CERT1: variants seen among roughly 807,000 people sequenced by gnomAD.
CERT1 encodes the protein ceramide transporter 1.
A neutral mutation model predicts 87.9 loss-of-function variants in CERT1; 31 were observed. The observed-to-expected ratio is 0.35, with a 90% CI of 0.27 to 0.48. The LOEUF is 0.48. Ranked by LOEUF, CERT1 falls within the 20% of genes least tolerant of loss-of-function variation. The pLI is 0.99. For synonymous variants in CERT1, 289 were observed against 250.9 expected, an observed-to-expected ratio of 1.15 and a Z score of -1.44; for missense variants, 487 against 758.0, an observed-to-expected ratio of 0.64 and a Z score of 4.20.
intron 8 of CERT1, among the ~76,000 whole-genome samples, chr5:75,404,799 A>G (rs906044154): frequency 7.3e-4 from 111 of 152,134 alleles, no homozygotes; most frequent in African/African-American, 2.7e-3. Context: ...ACATGAGGCC[A>G]GGAGCTCTGG....
intron 8 of CERT1, among the ~76,000 whole-genome samples, chr5:75,403,427 A>T (rs2112094767): frequency 6.6e-6 from 1 of 152,380 alleles, no homozygotes; most frequent in South Asian, 2.1e-4. Flanking sequence ...AAGTAATAAT[A>T]TGACATGTGT....
intron 2 of CERT1, among the ~76,000 whole-genome samples, chr5:75,479,238 A>G (rs1766116867): frequency 6.6e-6 from 1 of 152,200 alleles, no homozygotes; most frequent in Non-Finnish European, 1.5e-5. Context: ...GAGGCATCAT[A>G]AATAATTGCT....
chr5:75,464,257 T>C (rs888112917), intron 2 of CERT1, among the ~76,000 whole-genome samples: 1 of 152,014 alleles, frequency 6.6e-6, no homozygotes, highest in African/African-American at 2.4e-5. Flanking sequence ...GGTTAAGGCA[T>C]GGATGGAGCT....
chr5:75,445,908 G>T (rs536993068), intron 3 of CERT1, among the ~76,000 whole-genome samples: 3 of 152,188 alleles, frequency 2.0e-5, no homozygotes, highest in African/African-American at 7.2e-5. Context: ...ATTATATTGA[G>T]GATTCCTTTT....
intron 7 of CERT1, among the ~76,000 whole-genome samples, chr5:75,414,034 A>C (rs1763038183): frequency 6.6e-6 from 1 of 152,224 alleles, no homozygotes; most frequent in Non-Finnish European, 1.5e-5. Flanking sequence ...TACAATAAAA[A>C]GTTATACAAT....
intron 10 of CERT1, 138 bp downstream of exon 10, chr5:75,400,067 G>A (rs1481773473): frequency 8.1e-6 from 5 of 618,232 alleles, no homozygotes; most frequent in African/African-American, 3.7e-5. Context: ...GGGAGGTGGA[G>A]ACTGTAGTGA....
At chr5:75,389,951 C>A (rs1340367545) in intron 11 of CERT1, among the ~76,000 whole-genome samples, 1 of 151,918 alleles carries the variant, frequency 6.6e-6, no homozygotes, top group Non-Finnish European at 1.5e-5. Flanking sequence ...TATCAAGTGA[C>A]CAAAATAAGC....
upstream of CERT1, chr5:75,511,666 C>G: frequency 1.3e-6 from 2 of 1,517,954 alleles, no homozygotes; most frequent in Non-Finnish European, 1.8e-6. Flanking sequence ...TCCCCTTCGT[C>G]CTCCCATTCT....
intron 2 of CERT1, among the ~76,000 whole-genome samples, chr5:75,464,515 A>C (rs1047852245): frequency 2.6e-5 from 4 of 152,180 alleles, no homozygotes; most frequent in African/African-American, 9.7e-5. Flanking sequence ...CCTTCTTGGC[A>C]CCCAGAAGGC....
intron 5 of CERT1, among the ~76,000 whole-genome samples, chr5:75,423,827 A>G (rs1430519337): frequency 1.3e-5 from 2 of 152,248 alleles, no homozygotes; most frequent in East Asian, 3.8e-4. Flanking sequence ...ACCACGAGTT[A>G]TACCTAAGAA....
intron 2 of CERT1, among the ~76,000 whole-genome samples, chr5:75,470,954 G>C (rs1173424847): frequency 3.3e-5 from 5 of 151,336 alleles, no homozygotes; most frequent in Admixed American, 1.3e-4. Flanking sequence ...GAACTATCTG[G>C]GGAAAAAAAA....
chr5:75,382,189 G>A, intron 14 of CERT1, 112 bp from the exon 15 acceptor site: 1 of 926,264 alleles, frequency 1.1e-6, no homozygotes, highest in South Asian at 1.8e-5. Flanking sequence ...ATTTTAAATG[G>A]AAAGCATCTG....
At chr5:75,409,943 G>A (rs1425840090) in intron 8 of CERT1, among the ~76,000 whole-genome samples, 5 of 151,832 alleles carry the variant, frequency 3.3e-5, no homozygotes, top group Non-Finnish European at 5.9e-5. Flanking sequence ...TGGGACTACA[G>A]GCATGTGCCA....
chr5:75,418,457 G>A (rs574808893), intron 6 of CERT1, among the ~76,000 whole-genome samples: 37 of 152,024 alleles, frequency 2.4e-4, no homozygotes, highest in African/African-American at 7.5e-4. Flanking sequence ...ACCCACACCC[G>A]CCATATGATT....
rs76030688 is a variant in CERT1 at position 75,453,812 on chromosome 5, G to A, written c.348+5253C>T. 9.5e-3 allele frequency among the ~76,000 whole-genome samples: 766 copies of A among 80,802 alleles called. 4 individuals are homozygous for A. The highest frequency in any genetic ancestry group is 0.036 in the African/African-American group (712 of 19,964). The allele number at this position is 80,802 out of a possible 152,430, so 53.0% of individuals were successfully genotyped here. A position where few individuals can be genotyped will look rare whatever the true frequency, so the allele number is the denominator to read the frequency against. On this transcript the variant is annotated intron_variant, in intron 3 of 16. Coordinates refer to ENST00000643780, the MANE Select transcript of CERT1 (RefSeq NM_001379029.1). Reference sequence around the variant, plus strand: ...AAAATAAAACTCATTTTGTTTGCACGCGTGTATGTATGTGAGAGAGAGAGA... The same window carrying A: ...AAAATAAAACTCATTTTGTTTGCACACGTGTATGTATGTGAGAGAGAGAGA...
intron 7 of CERT1, among the ~76,000 whole-genome samples, chr5:75,411,937 G>A (rs16872555): frequency 0.077 from 11,711 of 152,132 alleles, 547 homozygotes; most frequent in South Asian, 0.17. Flanking sequence ...GTATTTTAGC[G>A]TTGAAAAAGA....
At chr5:75,469,227 G>A (rs1425185947) in intron 2 of CERT1, among the ~76,000 whole-genome samples, 1 of 151,906 alleles carries the variant, frequency 6.6e-6, no homozygotes, top group Non-Finnish European at 1.5e-5. Flanking sequence ...AAAGATCTGT[G>A]AACTTGAAGG....
chr5:75,411,965 AAC>A (rs1762950059), intron 7 of CERT1, among the ~76,000 whole-genome samples: 1 of 151,546 alleles, frequency 6.6e-6, no homozygotes, highest in Non-Finnish European at 1.5e-5. Context: ...TATGTATTTT[AAC>A]ACTCTCCTTT....
intron 7 of CERT1, among the ~76,000 whole-genome samples, chr5:75,412,350 T>C (rs951669148): frequency 6.6e-6 from 1 of 152,214 alleles, no homozygotes; most frequent in South Asian, 2.1e-4. Flanking sequence ...TCACTCTGGC[T>C]ACAGGAAATG....
Sources: gnomAD v4.1 joint callset for allele counts (sites outside exome capture counted in the v4.1 genomes callset) on GRCh38, gnomAD v4.1.1 for gene constraint, MANE v1.5 for transcripts, NCBI Gene and HGNC (gene_info 2026-07-23, HGNC 2026-07-21) for gene names.